The following MEG3 variants were observed in gnomAD, a reference collection of about 807,000 sequenced individuals.
MEG3 encodes the protein Very putative protein from MEG3 locus.
Position 100,837,991 on chromosome 14 carries a change from G to A in MEG3, n.3045+1691G>A, listed in dbSNP as rs1036553510. The stretch of plus-strand genomic sequence containing the variant: ...CTCTGCCCCGTGACATTTACTCCAA[G>A]GCTAGCATTTGCTGAGCCACCTGCA... On this transcript the variant is annotated intron_variant and non_coding_transcript_variant, in intron 2 of 3. Coordinates refer to the MEG3 transcript ENST00000398461. The surrounding 1 kb of genome is among the most constrained non-coding windows in gnomAD (Gnocchi z 5.8). Among the ~76,000 whole-genome samples, 2 of 152,110 alleles carry A rather than the reference G, an allele frequency of 1.3e-5. No homozygotes were observed. Among genetic ancestry groups the A allele is most frequent in the Non-Finnish European group, 2.9e-5 (2 of 68,040 alleles).
At chr14:100,841,562 G>A (rs1004002857) in intron 2 of MEG3, among the ~76,000 whole-genome samples, 4 of 152,212 alleles carry the variant, frequency 2.6e-5, no homozygotes, top group Non-Finnish European at 5.9e-5. Context: ...CTTGCCCGAG[G>A]TTGCACGGTG....
rs949046220 is a variant in MEG3 at position 100,845,790 on chromosome 14, G to T, written n.3121+257G>T. ...ATTCTATAGGCGGGCTTCAAATGTCGGACCCCAAAAGAATTTCTTCTTTTT... is the reference window on the plus strand; with the variant it reads ...ATTCTATAGGCGGGCTTCAAATGTCTGACCCCAAAAGAATTTCTTCTTTTT... On this transcript the variant is annotated intron_variant and non_coding_transcript_variant, in intron 3 of 3. Transcript: ENST00000398461. The surrounding 1 kb of genome is among the most constrained non-coding windows in gnomAD (Gnocchi z 5.2). 1 of 216,734 alleles carries T rather than the reference G, an allele frequency of 4.6e-6. No homozygotes were observed. The highest frequency in any genetic ancestry group is 9.5e-6 in the Non-Finnish European group (1 of 105,096). The allele number at this position is 216,734 out of a possible 1,614,324, so 13.4% of individuals were successfully genotyped here. A position where few individuals can be genotyped will look rare whatever the true frequency, so the allele number is the denominator to read the frequency against.
intron 2 of MEG3, among the ~76,000 whole-genome samples, chr14:100,841,715 G>T (rs1035477543): frequency 6.6e-6 from 1 of 152,254 alleles, no homozygotes; most frequent in African/African-American, 2.4e-5. Context: ...GCTGCCCCAT[G>T]AGCTGGGATG....
At chr14:100,843,964 C>T (rs2037837748) in intron 2 of MEG3, among the ~76,000 whole-genome samples, 2 of 151,726 alleles carry the variant, frequency 1.3e-5, no homozygotes, top group African/African-American at 4.8e-5. Flanking sequence ...CTCAGCCTCC[C>T]GAGTAGCTGA....
intron 2 of MEG3, among the ~76,000 whole-genome samples, chr14:100,844,125 C>G (rs963498179): frequency 1.3e-5 from 2 of 152,204 alleles, no homozygotes; most frequent in South Asian, 2.1e-4. Context: ...AGCCACCCCC[C>G]TGGGGCTGGT....
chr14:100,827,978 C>G (rs1180451602), intron 1 of MEG3, among the ~76,000 whole-genome samples: 1 of 151,718 alleles, frequency 6.6e-6, no homozygotes, highest in Non-Finnish European at 1.5e-5. Context: ...GGCTGGGGCC[C>G]GGTGGCTGGG....
chr14:100,830,503 C>G (rs2037368783), downstream of MEG3: 1 of 152,164 alleles, frequency 6.6e-6, no homozygotes, highest in Admixed American at 6.5e-5. Flanking sequence ...GGCTGTCCCT[C>G]CTTGCTCACA....
upstream of MEG3, chr14:100,857,053 G>T (rs1318905605): frequency 6.6e-6 from 1 of 152,136 alleles, no homozygotes; most frequent in Non-Finnish European, 1.5e-5. Flanking sequence ...GATAGCTAAT[G>T]AAATTGTAAC....
At chr14:100,828,241 G>C (rs2037302495) in intron 1 of MEG3, among the ~76,000 whole-genome samples, 1 of 152,040 alleles carries the variant, frequency 6.6e-6, no homozygotes, top group Non-Finnish European at 1.5e-5. Flanking sequence ...GCGCCCCCTA[G>C]CGGTGTGTGC....
intron 2 of MEG3, among the ~76,000 whole-genome samples, chr14:100,841,830 C>G (rs1461059863): frequency 6.6e-6 from 1 of 152,232 alleles, no homozygotes; most frequent in East Asian, 1.9e-4. Context: ...TGAGACTGGA[C>G]TTGTGGCTTC....
chr14:100,840,456 T>G (rs2037719213), intron 2 of MEG3, among the ~76,000 whole-genome samples: 1 of 152,154 alleles, frequency 6.6e-6, no homozygotes. Flanking sequence ...GCAGATGAGT[T>G]TTCCCAGGTT....
chr14:100,848,433 G>C (rs1191246300), intron 3 of MEG3: 1 of 152,198 alleles, frequency 6.6e-6, no homozygotes, highest in Non-Finnish European at 1.5e-5. Context: ...AGACTGAATG[G>C]ATGCACGGTG....
At chr14:100,859,408 G>A (rs2038338130) in exon 1 of MEG3, 1 of 152,156 alleles carries the variant, frequency 6.6e-6, no homozygotes, top group African/African-American at 2.4e-5. Context: ...GGACCAACAT[G>A]TCTTTGTTGG....
At chr14:100,834,911 C>T (rs529689183) in exon 1 of MEG3, 10 of 424,528 alleles carry the variant, frequency 2.4e-5, no homozygotes, top group South Asian at 1.7e-4. Flanking sequence ...CTGGTCGCGT[C>T]CCTGCATTCA....
At chr14:100,836,207 C>A (rs552145581) in exon 2 of MEG3, 1 of 456,458 alleles carries the variant, frequency 2.2e-6, no homozygotes. Flanking sequence ...TGAAGAACTG[C>A]GGATGGAAGC....
intron 1 of MEG3, among the ~76,000 whole-genome samples, chr14:100,827,073 G>A (rs1037898249): frequency 6.6e-6 from 1 of 152,094 alleles, no homozygotes; most frequent in Non-Finnish European, 1.5e-5. Flanking sequence ...TGGACGCTGG[G>A]AGCTGGGGAT....
chr14:100,841,471 T>C (rs1566728777), intron 2 of MEG3, among the ~76,000 whole-genome samples: 2 of 152,336 alleles, frequency 1.3e-5, no homozygotes, highest in Middle Eastern at 3.4e-3. Context: ...TCTTTGGAGT[T>C]GTTGGGACTT....
In MEG3 at chr14:100,845,854, C is replaced by T. The variant is rs1595289354; in HGVS notation, n.3121+321C>T. 1.6e-5 allele frequency: 3 copies of T among 187,122 alleles called. No homozygotes were observed. The highest frequency in any genetic ancestry group is 1.8e-4 in the South Asian group (2 of 11,328). 11.6% of individuals were successfully genotyped at this position (187,122 alleles called of 1,614,324 possible). On this transcript the variant is annotated intron_variant and non_coding_transcript_variant, in intron 3 of 3. Transcript: ENST00000398461. This position sits in a 1 kb window ranked among gnomAD's most constrained non-coding sequence, Gnocchi z 5.2. ...GAATGGCTCTTTCATTATTGAGTCT[C>T]CCTTTGGCTCTTGTGCCGCAGGGCA... is the stretch of plus-strand genomic sequence containing the variant.
exon 1 of MEG3, chr14:100,858,815 C>A (rs191634382): frequency 4.6e-5 from 7 of 152,914 alleles, no homozygotes; most frequent in African/African-American, 1.4e-4. Context: ...GCAGAGGGGG[C>A]CCCTCCTATT....
Sources: gnomAD v4.1 joint callset for allele counts (sites outside exome capture counted in the v4.1 genomes callset) on GRCh38, gnomAD v4.1.1 for gene constraint, Gnocchi (gnomAD v3.1) non-coding constraint, MANE v1.5 for transcripts, NCBI Gene and HGNC (gene_info 2026-07-23, HGNC 2026-07-21) for gene names.